Variants in RBM19 observed in about 807,000 individuals in gnomAD.
RBM19 encodes the protein RNA binding motif protein 19.
Under a neutral mutation model 116.8 loss-of-function variants are expected in RBM19, and 94 were observed. The observed-to-expected ratio is 0.80, with a 90% CI of 0.68 to 0.95. The LOEUF is 0.95. Ranked by LOEUF, RBM19 falls within the 40% of genes least tolerant of loss-of-function variation. The pLI is 0.00. For missense variants in RBM19, 1,161 were observed against 1,220.7 expected (o/e 0.95, Z 0.73); for synonymous variants, 475 against 494.1 (o/e 0.96, Z 0.51).
downstream of RBM19, chr12:113,817,358 G>C (rs545992780): frequency 3.3e-5 from 5 of 152,420 alleles, no homozygotes; most frequent in African/African-American, 1.2e-4. Context: ...TGCCCAGCAG[G>C]TGTCTGATGG....
At chr12:113,818,593 G>A (rs1874209877), downstream of RBM19, among the ~76,000 whole-genome samples, 2 of 152,228 alleles carry the variant, frequency 1.3e-5, no homozygotes, top group Non-Finnish European at 2.9e-5. Context: ...CCATTACTAA[G>A]TACTCACTAG....
At chr12:113,953,281 A>G (rs189815678) in intron 7 of RBM19, among the ~76,000 whole-genome samples, 1,656 of 152,330 alleles carry the variant, frequency 0.011, 17 homozygotes, top group Non-Finnish European at 0.019. Context: ...CGAGGTCAGG[A>G]GTTCGAGACC....
At chr12:113,939,749 CAA>C (rs369339749) in intron 15 of RBM19, among the ~76,000 whole-genome samples, 2 of 140,332 alleles carry the variant, frequency 1.4e-5, no homozygotes, top group Admixed American at 7.1e-5. Context: ...GACTCTGTCT[CAA>C]AAAAAAAAAA....
chr12:113,914,112 G>T (rs982407714), intron 21 of RBM19, among the ~76,000 whole-genome samples: 1 of 152,260 alleles, frequency 6.6e-6, no homozygotes, highest in African/African-American at 2.4e-5. Flanking sequence ...GGGCCCTGGG[G>T]CAGGCCAGAC....
chr12:113,866,833 C>G (rs1020754795), intron 21 of RBM19, among the ~76,000 whole-genome samples: 1 of 152,210 alleles, frequency 6.6e-6, no homozygotes, highest in South Asian at 2.1e-4. Flanking sequence ...TCCCCTTCTT[C>G]CAAAGAAGCT....
chr12:113,893,185 C>T (rs761766932), intron 21 of RBM19, among the ~76,000 whole-genome samples: 13 of 152,084 alleles, frequency 8.5e-5, no homozygotes, highest in Non-Finnish European at 1.6e-4. Context: ...ACACATGCCA[C>T]CATACCTGTC....
intron 19 of RBM19, among the ~76,000 whole-genome samples, chr12:113,918,861 G>A (rs534990927): frequency 6.6e-6 from 1 of 152,264 alleles, no homozygotes; most frequent in Non-Finnish European, 1.5e-5. Context: ...TTCTAACATT[G>A]GTCCCTCAAG....
In RBM19 at chr12:113,927,121, C is replaced by T; in HGVS notation, c.2177G>A (p.Ser726Asn). The T allele has an allele frequency of 1.2e-6, 2 of 1,613,296 alleles. No homozygotes were observed. The highest frequency in any genetic ancestry group is 1.3e-5 in the African/African-American group (1 of 75,038). Residue 726 changes from serine to asparagine, a missense_variant, in exon 17 of 24, where the codon AGC (serine) becomes AAC (asparagine). Ser to Asn is a conservative substitution (Grantham distance 46). Coordinates refer to ENST00000261741, the MANE Select transcript of RBM19 (RefSeq NM_016196.4). ...AATAAACAGAGTACATCCTGGGAGG[C>T]TCTCTTCTTCTTCTTCCTCTTCCTC... ...EEEEEEEEEESLPGCTLFIKN... is the reference protein window; with the variant it reads ...EEEEEEEEEENLPGCTLFIKN...
At chr12:113,820,474 G>C (rs117073157), downstream of RBM19, among the ~76,000 whole-genome samples, 4,336 of 152,246 alleles carry the variant, frequency 0.028, 234 homozygotes, top group Admixed American at 0.14. Flanking sequence ...AGCGAGTGCA[G>C]GGTCAGGTGA....
intron 23 of RBM19, among the ~76,000 whole-genome samples, chr12:113,833,666 C>T (rs1045365751): frequency 6.6e-6 from 1 of 152,212 alleles, no homozygotes; most frequent in African/African-American, 2.4e-5. Context: ...GGCAGAAAGA[C>T]TTTCCAACCA....
At chr12:113,854,170 C>A (rs1273896918) in intron 22 of RBM19, among the ~76,000 whole-genome samples, 1 of 151,922 alleles carries the variant, frequency 6.6e-6, no homozygotes, top group East Asian at 1.9e-4. Context: ...GGTTTCCCAG[C>A]TGTCAAATGG....
At chr12:113,925,272 A>AC (rs1374422772) in intron 17 of RBM19, among the ~76,000 whole-genome samples, 1 of 152,188 alleles carries the variant, frequency 6.6e-6, no homozygotes, top group Non-Finnish European at 1.5e-5. Context: ...AAAGGCAGAT[A>AC]CCCAATAAAC....
rs149450540 is a variant in RBM19 at position 113,921,751 on chromosome 12, G to A, written c.2306-1061C>T. 3.7e-3 allele frequency among the ~76,000 whole-genome samples: 558 copies of A among 152,342 alleles called. 3 individuals carry two copies. Among genetic ancestry groups the A allele is most frequent in the African/African-American group, 0.013 (527 of 41,582 alleles). ...CTCTTTTGGAGGCTCGAGGCTGCAG[G>A]TGGTGGGCTGGCATGTCTGTGCACC... is the stretch of plus-strand genomic sequence containing the variant. On this transcript the variant is annotated intron_variant, in intron 18 of 23. Coordinates refer to ENST00000261741, the MANE Select transcript of RBM19 (RefSeq NM_016196.4).
chr12:113,892,276 C>A (rs888794446), intron 21 of RBM19, among the ~76,000 whole-genome samples: 7 of 152,160 alleles, frequency 4.6e-5, no homozygotes, highest in African/African-American at 1.4e-4. Context: ...AGTCACTTAA[C>A]CTCTCTGACC....
Position 113,942,394 on chromosome 12 carries a change from T to C in RBM19, c.1667A>G (p.Glu556Gly). ...GSVAVRVALG[E>G]TQLVQEVRRF... is the part of the protein sequence containing the mutation. ...CCGCACTTCCTGGACGAGCTGGGTT[T>C]CCCCCAGAGCCACGCGCACGGCCAC... is the stretch of plus-strand genomic sequence containing the variant. The change falls in exon 14 of 24, where the codon GAA becomes GGA. Residue 556 changes from glutamate (E) to glycine (G), a missense_variant. By Grantham distance (98) the Glu-to-Gly change is moderately conservative. Coordinates refer to ENST00000261741, the MANE Select transcript of RBM19 (RefSeq NM_016196.4). 1.2e-6 allele frequency: 2 copies of C among 1,609,466 alleles called. No homozygotes were observed. Among genetic ancestry groups the C allele is most frequent in the Non-Finnish European group, 1.7e-6 (2 of 1,179,892 alleles).
At chr12:113,826,584 A>G (rs1438258082) in intron 23 of RBM19, among the ~76,000 whole-genome samples, 1 of 152,192 alleles carries the variant, frequency 6.6e-6, no homozygotes, top group Non-Finnish European at 1.5e-5. Flanking sequence ...GGTGGGGAAC[A>G]AGCCTGGCTT....
intron 1 of RBM19, among the ~76,000 whole-genome samples, chr12:113,965,053 C>T (rs1270942687): frequency 6.6e-6 from 1 of 151,888 alleles, no homozygotes; most frequent in Non-Finnish European, 1.5e-5. Context: ...GGTGGATCAC[C>T]TGAGGTCAGG....
intron 21 of RBM19, among the ~76,000 whole-genome samples, chr12:113,884,127 A>C (rs1185416494): frequency 1.3e-5 from 2 of 151,018 alleles, no homozygotes; most frequent in Non-Finnish European, 3.0e-5. Context: ...AAAAAAAAAA[A>C]CAAAAAACTC....
intron 9 of RBM19, 29 bp from the exon 10 acceptor site, chr12:113,949,065 G>A: frequency 6.3e-7 from 1 of 1,591,470 alleles, no homozygotes; most frequent in East Asian, 2.2e-5. Context: ...AGGGCTCCAG[G>A]GGGAGGCCTA....
Sources: gnomAD v4.1 joint callset for allele counts (sites outside exome capture counted in the v4.1 genomes callset) on GRCh38, gnomAD v4.1.1 for gene constraint, MANE v1.5 for transcripts, NCBI Gene and HGNC (gene_info 2026-07-23, HGNC 2026-07-21) for gene names.